The following ATXN1 variants were observed in gnomAD, a reference collection of about 807,000 sequenced individuals.
ATXN1 encodes ataxin-1.
In ATXN1, 8 loss-of-function variants were observed where a neutral mutation model predicts 56.4. That is an observed-to-expected ratio of 0.14 (90% CI 0.08 to 0.26). ATXN1 has a LOEUF of 0.26. ATXN1 is among the 10% of genes least tolerant of loss of function. ATXN1 has a pLI of 1.00. For missense variants in ATXN1, 987 were observed against 1,106.5 expected, an observed-to-expected ratio of 0.89 and a Z score of 1.53; for synonymous variants, 514 against 494.6, an observed-to-expected ratio of 1.04 and a Z score of -0.52.
Position 16,503,430 on chromosome 6 carries a change from C to T in ATXN1, c.-298-17321G>A, listed in dbSNP as rs1042717588. 3.3e-5 allele frequency among the ~76,000 whole-genome samples: 5 copies of T among 152,162 alleles called. No homozygotes were observed. In the East Asian group the frequency reaches 7.7e-4, roughly 23 times the overall value. ...ACACACTGCACCATGCTGTTTGTTCCCTGTGCTTTGTCCATGCTGTCCCTT... is the reference window on the plus strand; with the variant it reads ...ACACACTGCACCATGCTGTTTGTTCTCTGTGCTTTGTCCATGCTGTCCCTT... On this transcript the variant is annotated intron_variant, in intron 5 of 7. Coordinates refer to ENST00000436367, the MANE Select transcript of ATXN1 (RefSeq NM_001128164.2).
chr6:16,499,266 T>C (rs1249848497), intron 5 of ATXN1, among the ~76,000 whole-genome samples: 1 of 152,172 alleles, frequency 6.6e-6, no homozygotes, highest in Non-Finnish European at 1.5e-5. Context: ...TGAAAAGAGG[T>C]AAGAGAGATT....
At chr6:16,676,439 T>G (rs1758661912) in intron 2 of ATXN1, among the ~76,000 whole-genome samples, 1 of 152,212 alleles carries the variant, frequency 6.6e-6, no homozygotes, top group Admixed American at 6.5e-5. Flanking sequence ...TTTCTGGTAT[T>G]AGCACTAGTT....
intron 3 of ATXN1, among the ~76,000 whole-genome samples, chr6:16,619,879 A>C (rs2113799658): frequency 6.6e-6 from 1 of 150,756 alleles, no homozygotes; most frequent in South Asian, 2.1e-4. Flanking sequence ...TCCGTCTCTA[A>C]GGGAAAAAAA....
intron 3 of ATXN1, among the ~76,000 whole-genome samples, chr6:16,602,336 C>T (rs1452544075): frequency 6.6e-6 from 1 of 151,768 alleles, no homozygotes; most frequent in Non-Finnish European, 1.5e-5. Context: ...TGTTTTTGCT[C>T]CGCCCACCAA....
intron 6 of ATXN1, among the ~76,000 whole-genome samples, chr6:16,408,314 C>G (rs1474114965): frequency 6.6e-6 from 1 of 152,158 alleles, no homozygotes; most frequent in East Asian, 1.9e-4. Flanking sequence ...CTTGTGAAAT[C>G]TCAGTTACTT....
chr6:16,560,583 C>T (rs78322985), intron 4 of ATXN1, among the ~76,000 whole-genome samples: 1 of 151,992 alleles, frequency 6.6e-6, no homozygotes, highest in Non-Finnish European at 1.5e-5. Flanking sequence ...CTCAGACACC[C>T]GTCTTGGAGG....
Position 16,453,588 on chromosome 6 carries a change from T to TATC in ATXN1, c.-161+32381_-161+32383dup, listed in dbSNP as rs924301113. 1.8e-3 allele frequency among the ~76,000 whole-genome samples: 280 copies of TATC among 152,254 alleles called. 1 individual carries two copies. Among genetic ancestry groups the TATC allele is most frequent in the African/African-American group, 6.5e-3 (269 of 41,540 alleles). On this transcript the variant is annotated intron_variant, in intron 6 of 7. Coordinates refer to ENST00000436367, the MANE Select transcript of ATXN1 (RefSeq NM_001128164.2). ...CAAAAAATATCACTTTCATTATCATTATCATCATCATCATCATCTTCACCT... is the reference window on the plus strand; with the variant it reads ...CAAAAAATATCACTTTCATTATCATTATCATCATCATCATCATCATCTTCACCT...
At chr6:16,580,299 T>A (rs1762504714) in intron 4 of ATXN1, among the ~76,000 whole-genome samples, 1 of 152,216 alleles carries the variant, frequency 6.6e-6, no homozygotes, top group South Asian at 2.1e-4. Context: ...TTAGAAAACA[T>A]ATTTAAATGC....
chr6:16,553,315 C>T (rs1732412251), intron 4 of ATXN1, among the ~76,000 whole-genome samples: 2 of 152,274 alleles, frequency 1.3e-5, no homozygotes, highest in African/African-American at 4.8e-5. Flanking sequence ...TATTTCACCC[C>T]AAACCTCTCT....
Position 16,719,087 on chromosome 6 carries a change from T to G in ATXN1, c.-615+34146A>C, listed in dbSNP as rs528653372. On this transcript the variant is annotated intron_variant, in intron 2 of 7. Coordinates refer to ENST00000436367, the MANE Select transcript of ATXN1 (RefSeq NM_001128164.2). ...GCACACAATGAGCACTTAATAAACATTTGTTGAATGATTCATCTCCACAAT... is the reference window on the plus strand; with the variant it reads ...GCACACAATGAGCACTTAATAAACAGTTGTTGAATGATTCATCTCCACAAT... 8.5e-5 allele frequency among the ~76,000 whole-genome samples: 13 copies of G among 152,330 alleles called. No homozygotes were observed. The South Asian group carries it at 1.4e-3, about 17-fold the overall frequency.
At chr6:16,656,616 G>C (rs1758207451) in intron 3 of ATXN1, among the ~76,000 whole-genome samples, 1 of 152,112 alleles carries the variant, frequency 6.6e-6, no homozygotes, top group Non-Finnish European at 1.5e-5. Flanking sequence ...GTCATTCAAG[G>C]GCCCATGTAT....
At chr6:16,736,397 C>T (rs1760132836) in intron 2 of ATXN1, among the ~76,000 whole-genome samples, 1 of 152,166 alleles carries the variant, frequency 6.6e-6, no homozygotes, top group Non-Finnish European at 1.5e-5. Flanking sequence ...TCTAACACAA[C>T]AGTTCTCCTA....
At chr6:16,759,824 T>G (rs1297924974) in intron 1 of ATXN1, among the ~76,000 whole-genome samples, 1 of 151,976 alleles carries the variant, frequency 6.6e-6, no homozygotes, top group Non-Finnish European at 1.5e-5. Flanking sequence ...GTCAGCCCCC[T>G]ACGTGGTCTG....
At chr6:16,443,739 A>G (rs1759570471) in intron 6 of ATXN1, among the ~76,000 whole-genome samples, 1 of 152,252 alleles carries the variant, frequency 6.6e-6, no homozygotes, top group African/African-American at 2.4e-5. Context: ...TGAGAGAAAG[A>G]AAATACTGAT....
At chr6:16,561,105 C>T (rs576231932) in intron 4 of ATXN1, among the ~76,000 whole-genome samples, 1 of 151,902 alleles carries the variant, frequency 6.6e-6, no homozygotes, top group Non-Finnish European at 1.5e-5. Flanking sequence ...AGTCAGGCTT[C>T]CTACCCAGAT....
At chr6:16,580,535 CT>C (rs1400429644) in intron 4 of ATXN1, among the ~76,000 whole-genome samples, 2 of 152,118 alleles carry the variant, frequency 1.3e-5, no homozygotes, top group Non-Finnish European at 2.9e-5. Flanking sequence ...AAATTGTAAG[CT>C]TTGATATCAA....
At chr6:16,705,642 C>G (rs1180776884) in intron 2 of ATXN1, among the ~76,000 whole-genome samples, 2 of 152,166 alleles carry the variant, frequency 1.3e-5, no homozygotes, top group Admixed American at 1.3e-4. Context: ...TCTGCTCATT[C>G]TTTCCATTCT....
chr6:16,323,525 CAAAAAAAAAAAAAAAAAA>C (rs35308265), intron 7 of ATXN1, among the ~76,000 whole-genome samples: 4 of 48,830 alleles, frequency 8.2e-5, no homozygotes, highest in East Asian at 1.4e-3. Context: ...ACTCTGTCTC[CAAAAAAAAAAAAAAAAAA>C]AAAAAAAAAA....
intron 6 of ATXN1, among the ~76,000 whole-genome samples, chr6:16,435,900 T>C (rs1266697045): frequency 6.6e-6 from 1 of 152,022 alleles, no homozygotes; most frequent in Non-Finnish European, 1.5e-5. Flanking sequence ...TTCTTTTTCT[T>C]TTTCTTTTTT....
Sources: gnomAD v4.1 joint callset for allele counts (sites outside exome capture counted in the v4.1 genomes callset) on GRCh38, gnomAD v4.1.1 for gene constraint, MANE v1.5 for transcripts, NCBI Gene and HGNC (gene_info 2026-07-23, HGNC 2026-07-21) for gene names.